Variants in DYM observed in about 807,000 individuals in gnomAD.
DYM encodes the protein dyggve-Melchior-Clausen syndrome protein.
DYM carries 78 observed loss-of-function variants against 93.1 expected under a neutral mutation model. The observed-to-expected ratio is 0.84, with a 90% CI of 0.70 to 1.01. The LOEUF is 1.01. Among genes scored for constraint, DYM ranks in the 50% least tolerant of loss-of-function variants. The pLI is 0.00. For synonymous variants in DYM, 321 were observed against 319.7 expected (o/e 1.00, Z -0.04); for missense variants, 789 against 845.0 (o/e 0.93, Z 0.82).
At chr18:49,360,664 AT>A in intron 6 of DYM, among the ~76,000 whole-genome samples, 5 of 152,148 alleles carry the variant, frequency 3.3e-5, no homozygotes. Flanking sequence ...TACTTTTAAA[AT>A]TACATCAGGA....
intron 14 of DYM, among the ~76,000 whole-genome samples, chr18:49,187,812 C>T (rs2090594769): frequency 6.6e-6 from 1 of 152,118 alleles, no homozygotes; most frequent in Non-Finnish European, 1.5e-5. Context: ...CTATCACCTA[C>T]AGAACCATGT....
At chr18:49,429,435 G>A (rs925359537) in intron 2 of DYM, among the ~76,000 whole-genome samples, 1 of 152,154 alleles carries the variant, frequency 6.6e-6, no homozygotes, top group Non-Finnish European at 1.5e-5. Flanking sequence ...TAGTTATTGA[G>A]TGTATGGGAA....
At chr18:49,208,382 G>A (rs1178805281) in intron 14 of DYM, 6 of 151,970 alleles carry the variant, frequency 3.9e-5, no homozygotes, top group South Asian at 2.1e-4. Flanking sequence ...GGTTTAGTCT[G>A]CTAAATTTGA....
At chr18:49,331,762 A>G in intron 8 of DYM, 102 bp downstream of exon 8, 4 of 1,259,292 alleles carry the variant, frequency 3.2e-6, no homozygotes, top group Admixed American at 3.4e-5. Flanking sequence ...CACAAATTCA[A>G]TGTAACTATT....
chr18:49,289,754 T>C (rs75096769), intron 8 of DYM, among the ~76,000 whole-genome samples: 4,832 of 47,388 alleles, frequency 0.1, 281 homozygotes, highest in East Asian at 0.18. Context: ...TATATATATA[T>C]ATATATATAT....
In DYM at chr18:49,081,163, T is replaced by C. The variant is rs1419320188; in HGVS notation, c.2025+16239A>G. Reference sequence around the variant, plus strand: ...GAGGCCAAGGCAGGCGGCTGGGAGATGGAGGTTGTAGCGAGCTGAGATCAC... The same window carrying C: ...GAGGCCAAGGCAGGCGGCTGGGAGACGGAGGTTGTAGCGAGCTGAGATCAC... On this transcript the variant is annotated intron_variant, in intron 17 of 17. Coordinates refer to ENST00000675505, the MANE Select transcript of DYM (RefSeq NM_001353214.3). Among the ~76,000 whole-genome samples the C allele has an allele frequency of 6.0e-5, 9 of 150,000 alleles. No homozygotes were observed. In the East Asian group the frequency reaches 1.4e-3, roughly 23 times the overall value.
chr18:49,048,447 G>A lies in DYM; in HGVS notation c.2026-4243C>T, dbSNP rs538750128. The A allele has an allele frequency of 2.0e-5, 3 of 152,298 alleles. No homozygotes were observed. The East Asian group carries it at 5.8e-4, about 29-fold the overall frequency. 9.4% of individuals were successfully genotyped at this position (152,298 alleles called of 1,614,324 possible). A position where few individuals can be genotyped will look rare whatever the true frequency, so the allele number is the denominator to read the frequency against. On this transcript the variant is annotated intron_variant, in intron 17 of 17. Transcript: ENST00000675505. ...TGTTAAAACGCACTTCTCATTGTTA[G>A]AAATAAAAATGACTCAAAGATGTGA...
At chr18:49,209,492 C>G in intron 14 of DYM, 59 bp downstream of exon 14, 1 of 1,065,564 alleles carries the variant, frequency 9.4e-7, no homozygotes, top group Non-Finnish European at 1.2e-6. Flanking sequence ...TTAAAACATG[C>G]AATTGTCAGT....
rs1256823012 is a variant in DYM, at chr18:49,379,682, A to C, written c.270T>G (p.Leu90=). 9 of 1,612,408 alleles carry C rather than the reference A, an allele frequency of 5.6e-6. No homozygotes were observed. Among genetic ancestry groups the C allele is most frequent in the Non-Finnish European group, 7.6e-6 (9 of 1,178,744 alleles). Residue 90 remains leucine (L), a synonymous_variant, in exon 4 of 18, where the codon CTT becomes CTG. Transcript: ENST00000675505. ...VFLSRTKELK[L]SAECQNHIFI... is the part of the protein sequence containing the mutation. ...CAGCTTACTTCTGACATTCTGCTGA[A>C]AGTTTTAGTTCTTTGGTTCTAGAAA...
At chr18:49,125,871 C>T (rs1001140888) in intron 15 of DYM, among the ~76,000 whole-genome samples, 12 of 152,176 alleles carry the variant, frequency 7.9e-5, no homozygotes, top group African/African-American at 2.4e-4. Flanking sequence ...TACTCCTACT[C>T]GCCAGTCTTC....
At chr18:49,378,069 C>T (rs771043539) in intron 5 of DYM, among the ~76,000 whole-genome samples, 6 of 152,178 alleles carry the variant, frequency 3.9e-5, no homozygotes, top group Non-Finnish European at 7.4e-5. Context: ...GACACTTTGG[C>T]ATCATAAAAC....
In DYM at chr18:49,460,645, G is replaced by T. The variant is rs976444880; in HGVS notation, c.-301C>A. ...GGCCAGGAGGCGGCGAGAGAAGAGG[G>T]AAGCGACCGAGAACGCGGCTAGGGA... On this transcript the variant is annotated 5_prime_UTR_variant, in exon 1 of 18. Coordinates refer to ENST00000675505, the MANE Select transcript of DYM (RefSeq NM_001353214.3). The T allele has an allele frequency of 6.6e-6, 1 of 152,150 alleles. No homozygotes were observed. The highest frequency in any genetic ancestry group is 1.5e-5 in the Non-Finnish European group (1 of 68,060). The allele number at this position is 152,150 out of a possible 1,614,324, so 9.4% of individuals were successfully genotyped here.
At chr18:49,379,287 G>A (rs759349014) in intron 4 of DYM, among the ~76,000 whole-genome samples, 2 of 151,888 alleles carry the variant, frequency 1.3e-5, no homozygotes, top group Admixed American at 1.3e-4. Context: ...TTGATGTAAA[G>A]AATATAACGG....
intron 8 of DYM, among the ~76,000 whole-genome samples, chr18:49,301,778 T>C (rs1281653592): frequency 6.6e-6 from 1 of 152,218 alleles, no homozygotes; most frequent in Admixed American, 6.5e-5. Context: ...ATGCAGCAGC[T>C]AAGCTTCAGC....
chr18:49,368,047 G>C (rs780563592), intron 5 of DYM, among the ~76,000 whole-genome samples: 3 of 152,118 alleles, frequency 2.0e-5, no homozygotes, highest in Non-Finnish European at 4.4e-5. Flanking sequence ...TAATCATAAA[G>C]AGGAAAGGCA....
At chr18:49,225,423 A>G (rs1002208829) in intron 13 of DYM, among the ~76,000 whole-genome samples, 2 of 152,132 alleles carry the variant, frequency 1.3e-5, no homozygotes, top group Non-Finnish European at 2.9e-5. Flanking sequence ...TCTAGTATGA[A>G]GGATTAACAG....
chr18:49,163,066 T>G (rs1459389241), intron 15 of DYM, among the ~76,000 whole-genome samples: 1 of 152,236 alleles, frequency 6.6e-6, no homozygotes, highest in African/African-American at 2.4e-5. Context: ...CTTTGCATAC[T>G]TCCTATAAAA....
At chr18:49,348,688 T>C (rs1264362453) in intron 6 of DYM, among the ~76,000 whole-genome samples, 1 of 151,114 alleles carries the variant, frequency 6.6e-6, no homozygotes, top group Non-Finnish European at 1.5e-5. Flanking sequence ...GCGAGTGGAT[T>C]ACCTGAGGTC....
intron 1 of DYM, among the ~76,000 whole-genome samples, chr18:49,443,608 A>C (rs1199186845): frequency 6.6e-6 from 1 of 152,224 alleles, no homozygotes; most frequent in Non-Finnish European, 1.5e-5. Flanking sequence ...AAGTATTACT[A>C]GACTAAGCAC....
Sources: gnomAD v4.1 joint callset for allele counts (sites outside exome capture counted in the v4.1 genomes callset) on GRCh38, gnomAD v4.1.1 for gene constraint, MANE v1.5 for transcripts, NCBI Gene and HGNC (gene_info 2026-07-23, HGNC 2026-07-21) for gene names.